SCAPER: variants seen among roughly 807,000 people sequenced by gnomAD.
The protein encoded by SCAPER is S-phase cyclin A associated protein in the ER.
SCAPER carries 98 observed loss-of-function variants against 182.2 expected under a neutral mutation model. That is an observed-to-expected ratio of 0.54 (90% CI 0.46 to 0.64). SCAPER has a LOEUF of 0.64. Among genes scored for constraint, SCAPER ranks in the 30% least tolerant of loss-of-function variants. The probability of loss-of-function intolerance (pLI) is 0.00; values close to 1 mark genes in which losing one functional copy is unlikely to be tolerated. For missense variants in SCAPER, 1,432 were observed against 1,690.0 expected (o/e 0.85, Z 2.68); for synonymous variants, 605 against 564.6 (o/e 1.07, Z -1.01).
chr15:76,834,336 C>T (rs528333754), intron 5 of SCAPER, among the ~76,000 whole-genome samples: 1 of 152,254 alleles, frequency 6.6e-6, no homozygotes, highest in African/African-American at 2.4e-5. Context: ...ATCTCTTGGA[C>T]ACAGCTACAG....
chr15:76,771,737 C>T lies in SCAPER; in HGVS notation c.1248+5G>A. The stretch of plus-strand genomic sequence containing the variant: ...AGTTGTTCTTACCAAGTTAGCAGCA[C>T]TCACATTTGAAATATCTGAAGGGTC... On this transcript the variant is annotated splice_donor_5th_base_variant and intron_variant, in intron 10 of 31. Transcript: ENST00000563290. 1 of 1,610,330 alleles carries T rather than the reference C, an allele frequency of 6.2e-7. No individual in the cohort carries two copies. Among genetic ancestry groups the T allele is most frequent in the Non-Finnish European group, 8.5e-7 (1 of 1,177,176 alleles).
intron 26 of SCAPER, among the ~76,000 whole-genome samples, chr15:76,432,289 A>G (rs2142514153): frequency 6.6e-6 from 1 of 152,250 alleles, no homozygotes; most frequent in East Asian, 1.9e-4. Flanking sequence ...CAAGTGCTGT[A>G]AGATAAATGG....
chr15:76,561,356 T>C (rs961582572), intron 23 of SCAPER, among the ~76,000 whole-genome samples: 2 of 152,190 alleles, frequency 1.3e-5, no homozygotes, highest in African/African-American at 4.8e-5. Context: ...ATTGTAATAA[T>C]TGACATGCCT....
chr15:76,857,890 A>G lies in SCAPER; in HGVS notation c.125-11T>C. 2.6e-6 allele frequency: 4 copies of G among 1,527,950 alleles called. No individual in the cohort carries two copies. Among genetic ancestry groups the G allele is most frequent in the Non-Finnish European group, 3.5e-6 (4 of 1,128,254 alleles). The allele number at this position is 1,527,950 out of a possible 1,614,324, so 94.6% of individuals were successfully genotyped here. On this transcript the variant is annotated splice_polypyrimidine_tract_variant and intron_variant, in intron 3 of 31. Coordinates refer to ENST00000563290, the MANE Select transcript of SCAPER (RefSeq NM_020843.4). ...GACATTTAGGTTTTCCTTCAAGGCA[A>G]GAAAAAAATAAATATGTAGATATAC...
At chr15:76,647,450 A>G (rs2054638342) in intron 21 of SCAPER, among the ~76,000 whole-genome samples, 1 of 152,232 alleles carries the variant, frequency 6.6e-6, no homozygotes, top group Non-Finnish European at 1.5e-5. Context: ...AGCAAGTGAA[A>G]TAAGTCCTAT....
chr15:76,814,562 G>A (rs2066916525), intron 5 of SCAPER, among the ~76,000 whole-genome samples: 1 of 152,138 alleles, frequency 6.6e-6, no homozygotes, highest in Admixed American at 6.5e-5. Flanking sequence ...ATAACCACAT[G>A]TAAAAGAAGG....
At chr15:76,516,102 T>C (rs1404805065) in intron 23 of SCAPER, among the ~76,000 whole-genome samples, 1 of 151,828 alleles carries the variant, frequency 6.6e-6, no homozygotes, top group Non-Finnish European at 1.5e-5. Context: ...TCAATCATCC[T>C]GTCTTACTCA....
intron 23 of SCAPER, among the ~76,000 whole-genome samples, chr15:76,553,149 T>C (rs1232076389): frequency 2.0e-5 from 3 of 152,290 alleles, no homozygotes; most frequent in East Asian, 1.9e-4. Flanking sequence ...CTCCCTTCCC[T>C]GGATGGTGCA....
intron 1 of SCAPER, among the ~76,000 whole-genome samples, chr15:76,892,472 T>G (rs1488426396): frequency 6.6e-6 from 1 of 151,874 alleles, no homozygotes; most frequent in African/African-American, 2.4e-5. Context: ...TAAACAAATT[T>G]ACAAGAAAAA....
At chr15:76,511,807 A>C (rs557096513) in intron 23 of SCAPER, among the ~76,000 whole-genome samples, 2 of 150,778 alleles carry the variant, frequency 1.3e-5, no homozygotes, top group African/African-American at 4.9e-5. Context: ...AATGAGAAGG[A>C]AGGCTGACAA....
intron 6 of SCAPER, among the ~76,000 whole-genome samples, chr15:76,801,255 T>C (rs569604571): frequency 3.4e-4 from 52 of 152,338 alleles, no homozygotes; most frequent in Non-Finnish European, 4.9e-4. Flanking sequence ...ACTACTCTTA[T>C]GGCTACAAAT....
chr15:76,441,716 T>C (rs530258150), intron 25 of SCAPER, among the ~76,000 whole-genome samples: 3 of 152,332 alleles, frequency 2.0e-5, no homozygotes, highest in African/African-American at 7.2e-5. Context: ...GTGTCTTATT[T>C]AAAGTAATAT....
In SCAPER at chr15:76,666,762, T is replaced by C. The variant is rs539407209; in HGVS notation, c.2509-973A>G. Among the ~76,000 whole-genome samples the C allele has an allele frequency of 5.3e-5, 8 of 152,302 alleles. No individual in the cohort carries two copies. In the South Asian group the frequency reaches 1.0e-3, roughly 20 times the overall value. ...ATCTCTCAGTTCATGACTATGTTTATTTGATTAAGGAAAACAGCATTATTC... is the reference window on the plus strand; with the variant it reads ...ATCTCTCAGTTCATGACTATGTTTACTTGATTAAGGAAAACAGCATTATTC... On this transcript the variant is annotated intron_variant, in intron 20 of 31. Transcript: ENST00000563290.
At chr15:76,817,591 G>GGTA (rs2067191252) in intron 5 of SCAPER, among the ~76,000 whole-genome samples, 1 of 151,942 alleles carries the variant, frequency 6.6e-6, no homozygotes, top group African/African-American at 2.4e-5. Flanking sequence ...CACACAAAAA[G>GGTA]GTAACTATGT....
intron 26 of SCAPER, among the ~76,000 whole-genome samples, chr15:76,428,995 C>CT (rs2046665077): frequency 6.6e-6 from 1 of 150,694 alleles, no homozygotes; most frequent in Non-Finnish European, 1.5e-5. Flanking sequence ...GAGGGAGGGA[C>CT]TTGGTGGGAG....
intron 1 of SCAPER, among the ~76,000 whole-genome samples, chr15:76,900,802 T>C (rs893979613): frequency 2.0e-5 from 3 of 152,156 alleles, no homozygotes; most frequent in East Asian, 3.8e-4. Flanking sequence ...TACTCCAAAA[T>C]ATAGGGGCCC....
chr15:76,504,030 G>A (rs2041369954), intron 24 of SCAPER, among the ~76,000 whole-genome samples: 1 of 151,960 alleles, frequency 6.6e-6, no homozygotes, highest in Non-Finnish European at 1.5e-5. Context: ...GGGACTACAG[G>A]TGTGTGCCAC....
At chr15:76,483,472 C>T (rs1246781781) in intron 24 of SCAPER, among the ~76,000 whole-genome samples, 2 of 152,032 alleles carry the variant, frequency 1.3e-5, no homozygotes, top group Admixed American at 1.3e-4. Flanking sequence ...ATCAAAAACA[C>T]ACTCCATGAA....
At chr15:76,647,715 T>C (rs1050590270) in intron 21 of SCAPER, among the ~76,000 whole-genome samples, 2 of 152,136 alleles carry the variant, frequency 1.3e-5, no homozygotes, top group African/African-American at 4.8e-5. Context: ...AAAATAACTA[T>C]CCAGGAACTG....
Sources: gnomAD v4.1 joint callset for allele counts (sites outside exome capture counted in the v4.1 genomes callset) on GRCh38, gnomAD v4.1.1 for gene constraint, MANE v1.5 for transcripts, NCBI Gene and HGNC (gene_info 2026-07-23, HGNC 2026-07-21) for gene names.